The following RBBP8 variants were observed in gnomAD, a reference collection of about 807,000 sequenced individuals.
The protein encoded by RBBP8 is DNA endonuclease RBBP8.
A neutral mutation model predicts 108.3 loss-of-function variants in RBBP8; 88 were observed. That is an observed-to-expected ratio of 0.81 (90% CI 0.68 to 0.97). RBBP8 has a LOEUF of 0.97. Among genes scored for constraint, RBBP8 ranks in the 50% least tolerant of loss-of-function variants. The pLI is 0.00. For synonymous variants in RBBP8, 332 were observed against 348.2 expected (o/e 0.95, Z 0.52); for missense variants, 1,023 against 1,049.0 (o/e 0.98, Z 0.34).
Position 22,964,141 on chromosome 18 carries a change from CTTTG to C in RBBP8, c.249-4657_249-4654del, listed in dbSNP as rs1256275817. On this transcript the variant is annotated intron_variant, in intron 4 of 18. Transcript: ENST00000327155. ...TCCCCACCAAAACAGTGCTGTTAGT[CTTTG>C]TTTGTTTTTGAGATGGGATCTCATG... is the stretch of plus-strand genomic sequence containing the variant. Among the ~76,000 whole-genome samples the C allele has an allele frequency of 7.2e-5, 11 of 152,100 alleles. No homozygotes were observed. In the South Asian group the frequency reaches 1.2e-3, roughly 17 times the overall value.
intron 6 of RBBP8, among the ~76,000 whole-genome samples, chr18:22,978,236 A>C (rs1254679426): frequency 6.6e-6 from 1 of 152,238 alleles, no homozygotes; most frequent in African/African-American, 2.4e-5. Context: ...CAACTAAAAC[A>C]GTTTTGACAG....
In RBBP8 at chr18:22,992,953, A is replaced by G. The variant is rs1316522277; in HGVS notation, c.1126A>G (p.Arg376Gly). 2 of 1,613,652 alleles carry G rather than the reference A, an allele frequency of 1.2e-6. No individual in the cohort carries two copies. The highest frequency in any genetic ancestry group is 2.2e-5 in the South Asian group (2 of 91,058). Residue 376 changes from arginine to glycine, a missense_variant, in exon 11 of 19, where the codon AGA (arginine) becomes GGA (glycine). Coordinates refer to ENST00000327155, the MANE Select transcript of RBBP8 (RefSeq NM_002894.3). ...NTCISRLEKT[R>G]SKSEDSALFT... ...TTGTATATCTAGATTAGAAAAAACT[A>G]GATCAAAATCTGAAGATAGTGCCCT...
At chr18:23,010,820 G>T (rs976461610) in intron 16 of RBBP8, among the ~76,000 whole-genome samples, 6 of 152,258 alleles carry the variant, frequency 3.9e-5, no homozygotes, top group Admixed American at 3.9e-4. Flanking sequence ...CTGGGAAGAT[G>T]GATTGTGTAG....
At chr18:23,000,839 C>T (rs572955571) in intron 14 of RBBP8, among the ~76,000 whole-genome samples, 29 of 151,850 alleles carry the variant, frequency 1.9e-4, no homozygotes, top group Admixed American at 1.8e-3. Flanking sequence ...TTTATTCTTA[C>T]CTCATACACA....
In RBBP8 at chr18:22,992,608, C is replaced by T. The variant is rs1293354837; in HGVS notation, c.921-140C>T. On this transcript the variant is annotated intron_variant, in intron 10 of 18. Transcript: ENST00000327155. ...CTATGTCATTTTCCTCTGCTTTTCC[C>T]CTTCTCTTTTGTCATCTAAATGAAG... 6.1e-6 allele frequency: 4 copies of T among 655,448 alleles called. No homozygotes were observed. The South Asian group carries it at 6.1e-5, about 10-fold the overall frequency. 40.6% of individuals were successfully genotyped at this position (655,448 alleles called of 1,614,324 possible).
intron 5 of RBBP8, 84 bp from the exon 6 acceptor site, chr18:22,975,069 C>T (rs1170506807): frequency 6.3e-6 from 9 of 1,427,832 alleles, no homozygotes; most frequent in Non-Finnish European, 8.5e-6. Flanking sequence ...TTTCTTCATA[C>T]ATGCTGACAT....
At chr18:22,935,631 C>T (rs1910507208) in intron 1 of RBBP8, among the ~76,000 whole-genome samples, 1 of 152,156 alleles carries the variant, frequency 6.6e-6, no homozygotes, top group Admixed American at 6.5e-5. Context: ...AAATGGTTAG[C>T]AGGAAACAAT....
intron 4 of RBBP8, among the ~76,000 whole-genome samples, chr18:22,962,955 T>C (rs1223890116): frequency 1.3e-5 from 2 of 152,154 alleles, no homozygotes; most frequent in Non-Finnish European, 2.9e-5. Flanking sequence ...CTTTCCCTTT[T>C]TTTTGTCTAT....
intron 16 of RBBP8, among the ~76,000 whole-genome samples, chr18:23,014,144 A>G (rs962521118): frequency 6.6e-6 from 1 of 150,864 alleles, no homozygotes; most frequent in Non-Finnish European, 1.5e-5. Flanking sequence ...GATTACAGGC[A>G]TGTGCCACCA....
At chr18:22,982,456 T>G (rs1011903935) in intron 7 of RBBP8, 63 bp downstream of exon 7, 4 of 1,606,994 alleles carry the variant, frequency 2.5e-6, no homozygotes, top group African/African-American at 1.3e-5. Flanking sequence ...CTACTAGTTT[T>G]TATGTTATTC....
rs1367645673 is a variant in RBBP8 at position 22,985,080 on chromosome 18, T to G, written c.709+90T>G. 3 of 1,542,832 alleles carry G rather than the reference T, an allele frequency of 1.9e-6. No homozygotes were observed. The African/African-American group carries it at 4.1e-5, about 21-fold the overall frequency. ...CCACAGTCTAACTTAGACAATATTT[T>G]AAAGGTATTTTCCATATAATTTTGT... is the stretch of plus-strand genomic sequence containing the variant. On this transcript the variant is annotated intron_variant, in intron 8 of 18. Transcript: ENST00000327155.
At chr18:23,013,927 A>G (rs534934373) in intron 16 of RBBP8, among the ~76,000 whole-genome samples, 10 of 152,354 alleles carry the variant, frequency 6.6e-5, no homozygotes, top group African/African-American at 1.4e-4. Context: ...GGTGACCTCA[A>G]TACTACTGTT....
chr18:22,940,460 A>G (rs2144421076), intron 2 of RBBP8, among the ~76,000 whole-genome samples: 1 of 151,138 alleles, frequency 6.6e-6, no homozygotes, highest in African/African-American at 2.4e-5. Context: ...AGCTGGGACT[A>G]CAAGCACCCG....
At chr18:23,001,251 T>A (rs1006006325) in intron 14 of RBBP8, among the ~76,000 whole-genome samples, 1 of 152,248 alleles carries the variant, frequency 6.6e-6, no homozygotes, top group Non-Finnish European at 1.5e-5. Context: ...TTACATCTAT[T>A]CACTGAAAGA....
At chr18:22,927,023 CACTT>C (rs773339321) in intron 3 of RBBP8, among the ~76,000 whole-genome samples, 1 of 152,216 alleles carries the variant, frequency 6.6e-6, no homozygotes, top group Non-Finnish European at 1.5e-5. Context: ...TCACAAACAA[CACTT>C]ACTAATTACT....
At position 22,992,881 on chromosome 18, in the gene RBBP8, C is replaced by T. The variant is rs1846695465; in HGVS notation, c.1054C>T (p.Gln352Ter). 2 of 1,613,854 alleles carry T rather than the reference C, an allele frequency of 1.2e-6. No individual in the cohort carries two copies. The highest frequency in any genetic ancestry group is 1.7e-6 in the Non-Finnish European group (2 of 1,179,918). ...LNTSLSPSLL[Q>*]PGKKKHLKTL... ...TACAAGTTTGTCCCCTTCTCTTTTA[C>T]AGCCTGGGAAAAAAAAACATCTGAA... Residue 352 changes from glutamine (Q) to a stop codon, truncating the protein, a stop_gained, in exon 11 of 19, where the codon CAG becomes TAG. Coordinates refer to ENST00000327155, the MANE Select transcript of RBBP8 (RefSeq NM_002894.3). LOFTEE classifies it high-confidence loss of function.
intron 14 of RBBP8, among the ~76,000 whole-genome samples, chr18:23,000,674 G>T (rs1164377618): frequency 2.0e-5 from 3 of 150,848 alleles, no homozygotes; most frequent in Non-Finnish European, 4.4e-5. Flanking sequence ...CCCAGGAGGC[G>T]AGGTTGCAGT....
At chr18:22,969,019 T>C (rs1913866434) in intron 5 of RBBP8, 101 bp downstream of exon 5, 1 of 872,316 alleles carries the variant, frequency 1.1e-6, no homozygotes, top group Admixed American at 2.6e-5. Context: ...TTACATATAT[T>C]TTTCCTTATT....
At chr18:23,024,877 G>A (rs546749440) in intron 18 of RBBP8, among the ~76,000 whole-genome samples, 4 of 152,242 alleles carry the variant, frequency 2.6e-5, no homozygotes, top group Non-Finnish European at 5.9e-5. Flanking sequence ...CCCACAAGAC[G>A]ATAAAATAGC....
Sources: gnomAD v4.1 joint callset for allele counts (sites outside exome capture counted in the v4.1 genomes callset) on GRCh38, gnomAD v4.1.1 for gene constraint, MANE v1.5 for transcripts, NCBI Gene and HGNC (gene_info 2026-07-23, HGNC 2026-07-21) for gene names.